EVI5: variants seen among roughly 807,000 people sequenced by gnomAD.
EVI5 encodes the protein ecotropic viral integration site 5 protein homolog.
A neutral mutation model predicts 112.0 loss-of-function variants in EVI5; 73 were observed. That is an observed-to-expected ratio of 0.65 (90% CI 0.54 to 0.79). The LOEUF (loss-of-function observed/expected upper bound fraction) is 0.79, where lower values mean the gene tolerates loss of function less well. Among genes scored for constraint, EVI5 ranks in the 30% least tolerant of loss-of-function variants. EVI5 has a pLI of 0.00. For synonymous variants in EVI5, 305 were observed against 319.9 expected (o/e 0.95, Z 0.50); for missense variants, 900 against 968.8 (o/e 0.93, Z 0.94).
At chr1:92,789,347 G>T (rs1685915884), upstream of EVI5, among the ~76,000 whole-genome samples, 1 of 151,554 alleles carries the variant, frequency 6.6e-6, no homozygotes, top group Non-Finnish European at 1.5e-5. Context: ...CCGTCGCCCA[G>T]GCTGGAGTGC....
chr1:92,722,536 A>G (rs1342995631), intron 2 of EVI5, among the ~76,000 whole-genome samples: 3 of 139,516 alleles, frequency 2.2e-5, no homozygotes, highest in East Asian at 2.1e-4. Context: ...TCACTGTTCA[A>G]TTCTCACCTA....
chr1:92,609,146 G>A (rs113680308), intron 16 of EVI5, among the ~76,000 whole-genome samples: 3 of 152,242 alleles, frequency 2.0e-5, no homozygotes, highest in African/African-American at 7.2e-5. Context: ...TTCTATCAGA[G>A]GCCTGAAAGA....
chr1:92,565,944 C>T (rs114165417), intron 18 of EVI5, among the ~76,000 whole-genome samples: 2,579 of 10,262 alleles, frequency 0.25, 114 homozygotes, highest in East Asian at 0.44. Flanking sequence ...CATTCCAGCC[C>T]GAGCAAAAAA....
chr1:92,642,792 G>A (rs1472621175), intron 13 of EVI5, among the ~76,000 whole-genome samples: 1 of 127,444 alleles, frequency 7.8e-6, no homozygotes, highest in Non-Finnish European at 1.6e-5. Context: ...AAGAAATCCT[G>A]TCTAGCCTCC....
chr1:92,697,895 C>A lies in EVI5; in HGVS notation c.730G>T (p.Gly244Cys), dbSNP rs1288944951. The change falls in exon 6 of 20, where the codon GGC becomes TGC. Residue 244 changes from glycine (G) to cysteine (C), a missense_variant. Physicochemically the swap from Gly to Cys is radical, Grantham distance 159 (BLOSUM62 -3). Transcript: ENST00000684568. ...ELFKPSMAEL[G>C]LCMYQFECMI... is the part of the protein sequence containing the mutation. ...CATTCAAACTGGTACATACAAAGGC[C>A]CAATTCTGCCATACTTGGTTTAAAA... 4 of 1,612,816 alleles carry A rather than the reference C, an allele frequency of 2.5e-6. No homozygotes were observed. The South Asian group carries it at 4.4e-5, about 18-fold the overall frequency.
Position 92,712,342 on chromosome 1 carries a change from AT to A in EVI5, c.150-7599del, listed in dbSNP as rs1007989287. On this transcript the variant is annotated intron_variant, in intron 2 of 19. Coordinates refer to ENST00000684568, the MANE Select transcript of EVI5 (RefSeq NM_001350197.2). ...GATTTCTCTAGTTCTGAAAAATAGAATTTTTTTTTTTCTGTGTTTAAGATCA... is the reference window on the plus strand; with the variant it reads ...GATTTCTCTAGTTCTGAAAAATAGAATTTTTTTTTTCTGTGTTTAAGATCA... Among the ~76,000 whole-genome samples the A allele has an allele frequency of 5.1e-3, 755 of 149,146 alleles. 7 individuals are homozygous for A. Among genetic ancestry groups the A allele is most frequent in the African/African-American group, 0.017 (681 of 40,834 alleles).
upstream of EVI5, among the ~76,000 whole-genome samples, chr1:92,788,324 AT>A (rs1355816764): frequency 6.6e-6 from 1 of 151,492 alleles, no homozygotes; most frequent in Non-Finnish European, 1.5e-5. Context: ...CAAAAAAAAA[AT>A]TAGCCGGGCA....
chr1:92,698,381 T>A (rs577537669), intron 5 of EVI5, among the ~76,000 whole-genome samples: 3 of 152,258 alleles, frequency 2.0e-5, no homozygotes, highest in African/African-American at 7.2e-5. Flanking sequence ...AATATATATG[T>A]CAGATGGTGA....
intron 2 of EVI5, chr1:92,713,995 A>G: frequency 1.0e-6 from 1 of 977,938 alleles, no homozygotes; most frequent in South Asian, 4.7e-5. Context: ...CTTGAGACTT[A>G]CCTCCATAAA....
chr1:92,788,501 C>CAAAAA (rs200308636), upstream of EVI5, among the ~76,000 whole-genome samples: 2 of 144,522 alleles, frequency 1.4e-5, no homozygotes, highest in African/African-American at 2.7e-5. Context: ...CAAAACAAAA[C>CAAAAA]AAAAAAAAAA....
intron 2 of EVI5, among the ~76,000 whole-genome samples, chr1:92,728,245 A>G (rs1675890466): frequency 6.6e-6 from 1 of 152,216 alleles, no homozygotes; most frequent in Non-Finnish European, 1.5e-5. Flanking sequence ...TTAAAAAGAA[A>G]TAGATAAATC....
chr1:92,591,496 A>G (rs1673881817), intron 18 of EVI5, among the ~76,000 whole-genome samples: 1 of 152,204 alleles, frequency 6.6e-6, no homozygotes, highest in Non-Finnish European at 1.5e-5. Context: ...AAACCAACAA[A>G]GATCAAAAGA....
In EVI5 at chr1:92,591,352, G is replaced by C. The variant is rs1237893731; in HGVS notation, c.2070+13955C>G. Among the ~76,000 whole-genome samples the C allele has an allele frequency of 2.6e-5, 4 of 152,244 alleles. No homozygotes were observed. In the South Asian group the frequency reaches 6.2e-4, roughly 24 times the overall value. ...TAGAGTCAAGACCCATCAGTGTGCT[G>C]TATTCAGGAAACCCACCTCAAGTGC... On this transcript the variant is annotated intron_variant, in intron 18 of 19. Coordinates refer to ENST00000684568, the MANE Select transcript of EVI5 (RefSeq NM_001350197.2).
In EVI5 at chr1:92,576,047, C is replaced by T. The variant is rs538078745; in HGVS notation, c.2071-12310G>A. Among the ~76,000 whole-genome samples, 268 of 152,072 alleles carry T rather than the reference C, an allele frequency of 1.8e-3. 1 individual carries two copies. Among genetic ancestry groups the T allele is most frequent in the African/African-American group, 5.9e-3 (245 of 41,466 alleles). On this transcript the variant is annotated intron_variant, in intron 18 of 19. Coordinates refer to ENST00000684568, the MANE Select transcript of EVI5 (RefSeq NM_001350197.2). ...GGCAGCAGAGTAAACTAATACAATG[C>T]ATATTTAAGGGTTGGGTAAATCAAA... is the stretch of plus-strand genomic sequence containing the variant.
At chr1:92,661,159 G>A (rs1458426903) in intron 13 of EVI5, among the ~76,000 whole-genome samples, 1 of 151,974 alleles carries the variant, frequency 6.6e-6, no homozygotes, top group East Asian at 1.9e-4. Context: ...AGGGAGTGGT[G>A]GCGGTGGATG....
intron 19 of EVI5, among the ~76,000 whole-genome samples, chr1:92,557,897 GTATTTATT>G (rs59677545): frequency 6.7e-6 from 1 of 148,564 alleles, no homozygotes; most frequent in African/African-American, 2.5e-5. Flanking sequence ...GCCAATTTTT[GTATTTATT>G]TATTTATTTA....
intron 19 of EVI5, among the ~76,000 whole-genome samples, chr1:92,523,610 A>T (rs28696358): frequency 0.02 from 2,983 of 152,222 alleles, 119 homozygotes; most frequent in African/African-American, 0.068. Flanking sequence ...TTAGGTATTC[A>T]TTAGATTTGC....
rs1040979404 is a variant in EVI5 at position 92,785,085 on chromosome 1, G to A, written c.-331C>T. On this transcript the variant is annotated 5_prime_UTR_variant, in exon 1 of 20. Coordinates refer to ENST00000684568, the MANE Select transcript of EVI5 (RefSeq NM_001350197.2). ...TGGCCAGCTGGTTCCTCCGGGGTCC[G>A]GCCCGGCCGCGTCAGGAGAGCCCAA... 1 of 985,502 alleles carries A rather than the reference G, an allele frequency of 1.0e-6. No homozygotes were observed. Among genetic ancestry groups the A allele is most frequent in the Non-Finnish European group, 1.2e-6 (1 of 830,034 alleles). The allele number at this position is 985,502 out of a possible 1,614,324, so 61.0% of individuals were successfully genotyped here.
chr1:92,635,727 C>T (rs909632826), intron 14 of EVI5, among the ~76,000 whole-genome samples: 1 of 152,144 alleles, frequency 6.6e-6, no homozygotes, highest in Non-Finnish European at 1.5e-5. Context: ...AGAAATCATT[C>T]GTCTTCTGCG....
Sources: gnomAD v4.1 joint callset for allele counts (sites outside exome capture counted in the v4.1 genomes callset) on GRCh38, gnomAD v4.1.1 for gene constraint, MANE v1.5 for transcripts, NCBI Gene and HGNC (gene_info 2026-07-23, HGNC 2026-07-21) for gene names.